Variants in RFC3 observed in about 807,000 individuals in gnomAD.
RFC3 encodes replication factor C subunit 3, also known as A1 38 kDa subunit.
A neutral mutation model predicts 45.1 loss-of-function variants in RFC3; 41 were observed. The observed-to-expected ratio is 0.91, with a 90% CI of 0.71 to 1.18. RFC3 has a LOEUF of 1.18. Ranked by LOEUF, RFC3 falls within the 50% of genes most tolerant of loss-of-function variation. RFC3 has a pLI of 0.00. For synonymous variants in RFC3, 149 were observed against 144.0 expected, an observed-to-expected ratio of 1.03 and a Z score of -0.25; for missense variants, 423 against 428.1, an observed-to-expected ratio of 0.99 and a Z score of 0.10.
intron 8 of RFC3, among the ~76,000 whole-genome samples, chr13:33,879,329 G>A (rs2082467417): frequency 6.6e-6 from 1 of 151,894 alleles, no homozygotes; most frequent in African/African-American, 2.4e-5. Context: ...TCATTTCCTT[G>A]CCCGTTTCCT....
At chr13:33,959,863 G>A (rs1408958747) in intron 8 of RFC3, among the ~76,000 whole-genome samples, 1 of 152,188 alleles carries the variant, frequency 6.6e-6, no homozygotes, top group Non-Finnish European at 1.5e-5. Flanking sequence ...ATTGGCTCAT[G>A]GTTCTGCAGG....
downstream of RFC3, among the ~76,000 whole-genome samples, chr13:33,840,404 T>C (rs1235347301): frequency 1.3e-5 from 2 of 152,208 alleles, no homozygotes; most frequent in Non-Finnish European, 2.9e-5. Flanking sequence ...ATATTTATAA[T>C]AGCTCTTCTG....
intron 8 of RFC3, among the ~76,000 whole-genome samples, chr13:33,874,689 C>G (rs1294544608): frequency 6.6e-6 from 1 of 152,196 alleles, no homozygotes; most frequent in East Asian, 1.9e-4. Context: ...TGGAAGTAGG[C>G]TGTAAATCCA....
the RFC3 span, among the ~76,000 whole-genome samples, chr13:33,974,311 T>A: frequency 6.6e-6 from 1 of 152,252 alleles, no homozygotes; most frequent in Non-Finnish European, 1.5e-5. Flanking sequence ...AACATTGTTT[T>A]CCACTTGCTC....
At chr13:33,841,820 A>C (rs142640866), downstream of RFC3, among the ~76,000 whole-genome samples, 1 of 152,192 alleles carries the variant, frequency 6.6e-6, no homozygotes, top group East Asian at 1.9e-4. Flanking sequence ...AAATAGGGGC[A>C]TGATATTTCT....
intron 8 of RFC3, chr13:33,846,199 G>A (rs1487994088): frequency 6.6e-6 from 1 of 152,158 alleles, no homozygotes; most frequent in African/African-American, 2.4e-5. Context: ...ACTACCACTG[G>A]GACTGTGCTA....
At chr13:33,821,332 G>T in intron 2 of RFC3, 63 bp downstream of exon 2, 1 of 1,509,438 alleles carries the variant, frequency 6.6e-7, no homozygotes, top group Non-Finnish European at 9.2e-7. Flanking sequence ...TCTTGGTCAT[G>T]TATGTCCCCC....
intron 8 of RFC3, among the ~76,000 whole-genome samples, chr13:33,890,296 C>T (rs529861271): frequency 1.3e-5 from 2 of 152,100 alleles, no homozygotes; most frequent in Non-Finnish European, 1.5e-5. Context: ...ACCAATTTTC[C>T]ATTTGTGCTG....
At chr13:33,859,064 A>C (rs1029617076) in intron 8 of RFC3, among the ~76,000 whole-genome samples, 2 of 152,100 alleles carry the variant, frequency 1.3e-5, no homozygotes, top group Admixed American at 6.6e-5. Flanking sequence ...ACATCCTTTC[A>C]CATTTATTGT....
chr13:33,932,721 C>T (rs2082860336), intron 8 of RFC3, among the ~76,000 whole-genome samples: 2 of 152,102 alleles, frequency 1.3e-5, no homozygotes, highest in African/African-American at 4.8e-5. Flanking sequence ...ATGCATGGTC[C>T]ACATGCATAA....
chr13:33,932,275 A>C (rs896969335), intron 8 of RFC3, among the ~76,000 whole-genome samples: 10 of 152,156 alleles, frequency 6.6e-5, no homozygotes, highest in Non-Finnish European at 2.9e-5. Context: ...CCATTAAAAA[A>C]GTTAGTAATT....
chr13:33,822,206 A>C (rs1410280770), intron 2 of RFC3, among the ~76,000 whole-genome samples: 1 of 152,208 alleles, frequency 6.6e-6, no homozygotes, highest in African/African-American at 2.4e-5. Context: ...ATTTAACAAA[A>C]ATGGTGTGGA....
intron 8 of RFC3, chr13:33,847,515 T>C (rs2082246887): frequency 6.6e-6 from 1 of 152,088 alleles, no homozygotes; most frequent in African/African-American, 2.4e-5. Flanking sequence ...TTATCTACTG[T>C]AAGATTGTCA....
chr13:33,871,801 G>T (rs4941774), intron 8 of RFC3, among the ~76,000 whole-genome samples: 16,023 of 152,122 alleles, frequency 0.11, 1,662 homozygotes, highest in African/African-American at 0.25. Context: ...CATGGCAGCT[G>T]TGCCACTCAG....
At chr13:33,893,825 G>C (rs1026603500) in intron 8 of RFC3, among the ~76,000 whole-genome samples, 8 of 152,044 alleles carry the variant, frequency 5.3e-5, no homozygotes, top group Non-Finnish European at 1.0e-4. Flanking sequence ...TGAAAATATG[G>C]TTAGGAGAGA....
At chr13:33,887,786 A>G (rs1216416231) in intron 8 of RFC3, among the ~76,000 whole-genome samples, 88 of 152,058 alleles carry the variant, frequency 5.8e-4, no homozygotes, top group African/African-American at 2.1e-3. Context: ...TCTTTAATCC[A>G]TCTTGAATTA....
intron 6 of RFC3, 122 bp from the exon 7 acceptor site, chr13:33,831,134 C>A: frequency 1.5e-6 from 1 of 661,076 alleles, no homozygotes; most frequent in East Asian, 2.7e-5. Context: ...GCTGGCCTAT[C>A]CGCTGCTCAC....
At chr13:33,846,252 CAT>C (rs1248130227) in intron 8 of RFC3, 1 of 152,280 alleles carries the variant, frequency 6.6e-6, no homozygotes, top group Non-Finnish European at 1.5e-5. Flanking sequence ...TCACCCAAGA[CAT>C]ACAGCAAATA....
chr13:33,932,270 A>T (rs1170715314), intron 8 of RFC3, among the ~76,000 whole-genome samples: 2 of 151,592 alleles, frequency 1.3e-5, no homozygotes, highest in East Asian at 1.9e-4. Flanking sequence ...TAATGCCATT[A>T]AAAAAGTTAG....
Sources: gnomAD v4.1 joint callset for allele counts (sites outside exome capture counted in the v4.1 genomes callset) on GRCh38, gnomAD v4.1.1 for gene constraint, MANE v1.5 for transcripts, NCBI Gene and HGNC (gene_info 2026-07-23, HGNC 2026-07-21) for gene names.